Variants in PDE1A observed in about 807,000 individuals in gnomAD.
PDE1A encodes the protein phosphodiesterase 1A.
A neutral mutation model predicts 61.7 loss-of-function variants in PDE1A; 35 were observed. The observed-to-expected ratio is 0.57, with a 90% confidence interval of 0.43 to 0.75. PDE1A has a LOEUF of 0.75. Among genes scored for constraint, PDE1A ranks in the 30% least tolerant of loss-of-function variants. The pLI, the probability that PDE1A is intolerant of heterozygous loss-of-function variation, is 0.00. For missense variants in PDE1A, 597 were observed against 630.6 expected, an observed-to-expected ratio of 0.95 and a Z score of 0.57; for synonymous variants, 232 against 213.2, an observed-to-expected ratio of 1.09 and a Z score of -0.77.
upstream of PDE1A, among the ~76,000 whole-genome samples, chr2:182,526,654 GCT>G (rs1455906523): frequency 1.3e-5 from 2 of 152,160 alleles, no homozygotes; most frequent in African/African-American, 4.8e-5. Context: ...TAAACTACCA[GCT>G]TTGTCTGAGA....
upstream of PDE1A, among the ~76,000 whole-genome samples, chr2:182,527,323 AAAAAATATATATATATATATATATAT>A (rs1690789817): frequency 4.9e-5 from 2 of 41,074 alleles, no homozygotes; most frequent in African/African-American, 2.1e-4. Context: ...AAAAAAAAAA[AAAAAATATATATATATATATATATAT>A]ATATATATAT....
chr2:182,419,770 CA>C (rs368384667), intron 1 of PDE1A, among the ~76,000 whole-genome samples: 116 of 152,258 alleles, frequency 7.6e-4, no homozygotes, highest in African/African-American at 2.8e-3. Flanking sequence ...TGTCAAACTA[CA>C]TGCCTTTTGT....
At chr2:182,491,708 T>C (rs559158703) in intron 2 of PDE1A, among the ~76,000 whole-genome samples, 1 of 152,314 alleles carries the variant, frequency 6.6e-6, no homozygotes, top group South Asian at 2.1e-4. Flanking sequence ...TTTTATGAGA[T>C]AGAATGTTAT....
chr2:182,388,379 C>G (rs1271275209), intron 1 of PDE1A, among the ~76,000 whole-genome samples: 1 of 152,176 alleles, frequency 6.6e-6, no homozygotes, highest in Non-Finnish European at 1.5e-5. Flanking sequence ...ACACATTCTT[C>G]TCAACTGCAC....
At chr2:182,167,178 G>A (rs368055723), downstream of PDE1A, among the ~76,000 whole-genome samples, 11 of 151,994 alleles carry the variant, frequency 7.2e-5, no homozygotes, top group South Asian at 2.1e-4. Context: ...AAATTCCTAC[G>A]GCTATAAGAA....
chr2:182,149,090 T>C (rs1483437233), intron 13 of PDE1A, among the ~76,000 whole-genome samples: 1 of 152,172 alleles, frequency 6.6e-6, no homozygotes, highest in African/African-American at 2.4e-5. Context: ...AATATTCTGT[T>C]ACTTAAGACT....
intron 1 of PDE1A, among the ~76,000 whole-genome samples, chr2:182,318,627 C>A (rs1053951129): frequency 3.3e-5 from 5 of 152,154 alleles, no homozygotes; most frequent in Non-Finnish European, 4.4e-5. Flanking sequence ...ATATGACAAT[C>A]ATGTGAATAA....
At chr2:182,147,131 T>A in exon 14 of PDE1A, 1 of 1,602,782 alleles carries the variant, frequency 6.2e-7, no homozygotes, top group Non-Finnish European at 8.5e-7. Context: ...GTCTTCTGAG[T>A]TCTTATGAAG....
chr2:182,656,029 T>C, the PDE1A span, among the ~76,000 whole-genome samples: 1 of 152,226 alleles, frequency 6.6e-6, no homozygotes, highest in Non-Finnish European at 1.5e-5. Flanking sequence ...TTGTCCTTCA[T>C]CAAGCCTTTT....
the PDE1A span, among the ~76,000 whole-genome samples, chr2:182,567,353 A>T: frequency 2.6e-5 from 4 of 152,244 alleles, no homozygotes; most frequent in Non-Finnish European, 4.4e-5. Context: ...AAAGGGAAGA[A>T]GATTTTATAG....
chr2:182,436,942 A>G (rs1395131058), intron 2 of PDE1A, among the ~76,000 whole-genome samples: 8 of 151,916 alleles, frequency 5.3e-5, no homozygotes, highest in Non-Finnish European at 7.4e-5. Flanking sequence ...ACCTTGGCCA[A>G]CCATATTTTT....
intron 1 of PDE1A, among the ~76,000 whole-genome samples, chr2:182,410,734 T>C (rs1702562845): frequency 6.6e-6 from 1 of 152,088 alleles, no homozygotes; most frequent in Non-Finnish European, 1.5e-5. Context: ...GACTGAAAAA[T>C]TAATGTCTTC....
At chr2:182,597,409 A>G in the PDE1A span, among the ~76,000 whole-genome samples, 1 of 152,172 alleles carries the variant, frequency 6.6e-6, no homozygotes, top group Non-Finnish European at 1.5e-5. Context: ...GGAGCCATCA[A>G]TAGGTTCAAA....
intron 2 of PDE1A, among the ~76,000 whole-genome samples, chr2:182,442,542 A>C (rs1684859912): frequency 6.6e-6 from 1 of 152,118 alleles, no homozygotes; most frequent in Non-Finnish European, 1.5e-5. Context: ...TGTGATAAAA[A>C]TTATATGCAT....
At chr2:182,205,209 G>C (rs191898134) in intron 8 of PDE1A, among the ~76,000 whole-genome samples, 23 of 152,170 alleles carry the variant, frequency 1.5e-4, no homozygotes, top group African/African-American at 4.1e-4. Flanking sequence ...GAGTCCCATA[G>C]AATATTAGGG....
At chr2:182,632,838 G>A in the PDE1A span, among the ~76,000 whole-genome samples, 60,546 of 151,930 alleles carry the variant, frequency 0.4, 13,586 homozygotes, top group Admixed American at 0.55. Flanking sequence ...ATCTCAAATT[G>A]TGACCACTAT....
the PDE1A span, among the ~76,000 whole-genome samples, chr2:182,647,681 G>C: frequency 6.6e-6 from 1 of 152,152 alleles, no homozygotes; most frequent in African/African-American, 2.4e-5. Flanking sequence ...CCTTTCATTA[G>C]TGTATGGCTT....
At chr2:182,179,235 A>AC (rs1684540621) in intron 13 of PDE1A, among the ~76,000 whole-genome samples, 1 of 152,192 alleles carries the variant, frequency 6.6e-6, no homozygotes, top group African/African-American at 2.4e-5. Context: ...AAACACTAAT[A>AC]TTTAAAAAGT....
chr2:182,319,419 A>C (rs1696563024), intron 1 of PDE1A, among the ~76,000 whole-genome samples: 1 of 152,164 alleles, frequency 6.6e-6, no homozygotes, highest in Non-Finnish European at 1.5e-5. Context: ...AAAACTAAAC[A>C]ATGCTCATTG....
Sources: gnomAD v4.1 joint callset for allele counts (sites outside exome capture counted in the v4.1 genomes callset) on GRCh38, gnomAD v4.1.1 for gene constraint, MANE v1.5 for transcripts, NCBI Gene and HGNC (gene_info 2026-07-23, HGNC 2026-07-21) for gene names.